TACR1: variants seen among roughly 807,000 people sequenced by gnomAD.
The protein encoded by TACR1 is tachykinin receptor 1.
In TACR1, 25 loss-of-function variants were observed where a neutral mutation model predicts 35.8. That is an observed-to-expected ratio of 0.70 (90% CI 0.51 to 0.98). The LOEUF (loss-of-function observed/expected upper bound fraction) is 0.98. Among genes scored for constraint, TACR1 ranks in the 50% least tolerant of loss-of-function variants. TACR1 has a pLI of 0.00. For synonymous variants in TACR1, 195 were observed against 206.7 expected (o/e 0.94, Z 0.48); for missense variants, 478 against 522.9 (o/e 0.91, Z 0.84).
chr2:75,140,781 C>G (rs1042232613), intron 1 of TACR1, among the ~76,000 whole-genome samples: 1 of 152,152 alleles, frequency 6.6e-6, no homozygotes, highest in Non-Finnish European at 1.5e-5. Context: ...CTTGTGGTGT[C>G]TAGAATAATA....
chr2:75,066,821 A>G (rs1672772052), intron 2 of TACR1, among the ~76,000 whole-genome samples: 1 of 152,252 alleles, frequency 6.6e-6, no homozygotes. Flanking sequence ...GAAATTGTCA[A>G]GGATACTACA....
Position 75,077,386 on chromosome 2 carries a change from C to T in TACR1, c.585-23631G>A, listed in dbSNP as rs538545882. 9.2e-5 allele frequency among the ~76,000 whole-genome samples: 14 copies of T among 152,302 alleles called. No individual in the cohort carries two copies. The South Asian group carries it at 1.7e-3, about 18-fold the overall frequency. Reference sequence around the variant, plus strand: ...ACTGCACTGTTTGTACTATAACCACCTTCTCCAGTGGGTAGGACACCTCCA... The same window carrying T: ...ACTGCACTGTTTGTACTATAACCACTTTCTCCAGTGGGTAGGACACCTCCA... On this transcript the variant is annotated intron_variant, in intron 2 of 4. Coordinates refer to ENST00000305249, the MANE Select transcript of TACR1 (RefSeq NM_001058.4).
rs74923922 is a variant in TACR1 at position 75,125,976 on chromosome 2, A to G, written c.390-5208T>C. Among the ~76,000 whole-genome samples, 632 of 152,308 alleles carry G rather than the reference A, an allele frequency of 4.1e-3. 6 individuals are homozygous for G. Among genetic ancestry groups the G allele is most frequent in the African/African-American group, 0.015 (605 of 41,570 alleles). ...GGTACATGTGCCAGGTTTGTTCTATAGATAAACTCATGTTACAGGGGTTTG... is the reference window on the plus strand; with the variant it reads ...GGTACATGTGCCAGGTTTGTTCTATGGATAAACTCATGTTACAGGGGTTTG... On this transcript the variant is annotated intron_variant, in intron 1 of 4. Coordinates refer to ENST00000305249, the MANE Select transcript of TACR1 (RefSeq NM_001058.4).
At chr2:75,136,353 A>G (rs1346625132) in intron 1 of TACR1, among the ~76,000 whole-genome samples, 2 of 152,236 alleles carry the variant, frequency 1.3e-5, no homozygotes, top group South Asian at 2.1e-4. Context: ...AGTGCAGTGT[A>G]TTAACAAAAA....
chr2:75,104,586 ATTCCT>A (rs1466341917), intron 2 of TACR1, among the ~76,000 whole-genome samples: 4 of 152,080 alleles, frequency 2.6e-5, no homozygotes, highest in African/African-American at 9.6e-5. Context: ...CAGAATACAC[ATTCCT>A]TTCAAGCACA....
In TACR1 at chr2:75,198,598, T is replaced by C. The variant is rs1227340812; in HGVS notation, c.337A>G (p.Ile113Val). 1.2e-6 allele frequency: 2 copies of C among 1,614,130 alleles called. No homozygotes were observed. Among genetic ancestry groups the C allele is most frequent in the Non-Finnish European group, 1.7e-6 (2 of 1,180,030 alleles). ...FYCKFHNFFP[I>V]AAVFASIYSM... ...TAGATACTGGCGAAGACAGCGGCGATGGGAAAGAAGTTGTGGAACTTGCAG... is the reference window on the plus strand; with the variant it reads ...TAGATACTGGCGAAGACAGCGGCGACGGGAAAGAAGTTGTGGAACTTGCAG... The change falls in exon 1 of 5, where the codon ATC becomes GTC. Residue 113 changes from isoleucine (I) to valine (V), a missense_variant. By Grantham distance (29) the Ile-to-Val change is conservative (BLOSUM62 3). Coordinates refer to ENST00000305249, the MANE Select transcript of TACR1 (RefSeq NM_001058.4).
chr2:75,128,400 G>A (rs1361924983), intron 1 of TACR1, among the ~76,000 whole-genome samples: 2 of 152,118 alleles, frequency 1.3e-5, no homozygotes, highest in African/African-American at 4.8e-5. Flanking sequence ...GCAGAGCCAG[G>A]GCTACCATAA....
Position 75,161,818 on chromosome 2 carries a change from C to G in TACR1, c.389+36728G>C, listed in dbSNP as rs145228980. ...TATGGACTTCCTAAAAAAACTATTACTCAGGAAAAGTTACAAACTAAAAGA... is the reference window on the plus strand; with the variant it reads ...TATGGACTTCCTAAAAAAACTATTAGTCAGGAAAAGTTACAAACTAAAAGA... On this transcript the variant is annotated intron_variant, in intron 1 of 4. Coordinates refer to ENST00000305249, the MANE Select transcript of TACR1 (RefSeq NM_001058.4). Among the ~76,000 whole-genome samples, 996 of 151,986 alleles carry G rather than the reference C, an allele frequency of 6.6e-3. 7 individuals are homozygous for G. Among genetic ancestry groups the G allele is most frequent in the African/African-American group, 0.023 (942 of 41,456 alleles).
intron 1 of TACR1, among the ~76,000 whole-genome samples, chr2:75,173,202 CTTGCAATCCAGTAAAAA>C (rs1225422532): frequency 1.8e-4 from 27 of 152,110 alleles, no homozygotes; most frequent in Admixed American, 6.5e-4. Context: ...TGGTAAACTT[CTTGCAATCCAGTAAAAA>C]TTGCCCCCAT....
At chr2:75,152,610 G>T (rs1319118684) in intron 1 of TACR1, among the ~76,000 whole-genome samples, 2 of 152,172 alleles carry the variant, frequency 1.3e-5, no homozygotes, top group African/African-American at 4.8e-5. Flanking sequence ...CTCCGAGGCT[G>T]AGAGTTAAAG....
chr2:75,110,124 A>G (rs1268826693), intron 2 of TACR1, among the ~76,000 whole-genome samples: 2 of 152,102 alleles, frequency 1.3e-5, no homozygotes, highest in African/African-American at 4.8e-5. Flanking sequence ...GTATGCAGGC[A>G]GAAATCACAA....
At chr2:75,051,529 C>G in intron 3 of TACR1, 82 bp from the exon 4 acceptor site, 1 of 1,576,144 alleles carries the variant, frequency 6.3e-7, no homozygotes, top group East Asian at 2.3e-5. Flanking sequence ...CACGCCCTCA[C>G]TGTGCACAGT....
At chr2:75,146,635 T>C (rs1002858601) in intron 1 of TACR1, among the ~76,000 whole-genome samples, 1 of 152,188 alleles carries the variant, frequency 6.6e-6, no homozygotes, top group African/African-American at 2.4e-5. Flanking sequence ...GCGTTACTTG[T>C]GATGCTAATA....
At chr2:75,173,198 A>G (rs927496770) in intron 1 of TACR1, among the ~76,000 whole-genome samples, 3 of 152,100 alleles carry the variant, frequency 2.0e-5, no homozygotes, top group Admixed American at 2.0e-4. Context: ...GGCTTGGTAA[A>G]CTTCTTGCAA....
intron 1 of TACR1, among the ~76,000 whole-genome samples, chr2:75,190,319 C>T (rs1675811338): frequency 1.3e-5 from 2 of 152,134 alleles, no homozygotes; most frequent in South Asian, 4.2e-4. Context: ...GTTTTCTGGA[C>T]CATGATATAC....
chr2:75,094,428 G>A (rs1673371516), intron 2 of TACR1, among the ~76,000 whole-genome samples: 1 of 152,146 alleles, frequency 6.6e-6, no homozygotes, highest in South Asian at 2.1e-4. Context: ...GTAGTCCAGG[G>A]ACCACAGTGG....
chr2:75,184,383 TA>T (rs375524381), intron 1 of TACR1, among the ~76,000 whole-genome samples: 15 of 150,762 alleles, frequency 9.9e-5, no homozygotes, highest in East Asian at 1.9e-4. Flanking sequence ...CATCACAGGT[TA>T]AAAAAAAAGG....
intron 1 of TACR1, among the ~76,000 whole-genome samples, chr2:75,174,438 C>T (rs996840240): frequency 6.6e-6 from 1 of 152,162 alleles, no homozygotes. Context: ...ACAGTAGATA[C>T]ACTGGGACAA....
At chr2:75,086,070 T>A (rs1205410549) in intron 2 of TACR1, among the ~76,000 whole-genome samples, 2 of 152,236 alleles carry the variant, frequency 1.3e-5, no homozygotes, top group Non-Finnish European at 2.9e-5. Context: ...AAAGTGACTA[T>A]GAAACTGGGC....
Sources: gnomAD v4.1 joint callset for allele counts (sites outside exome capture counted in the v4.1 genomes callset) on GRCh38, gnomAD v4.1.1 for gene constraint, MANE v1.5 for transcripts, NCBI Gene and HGNC (gene_info 2026-07-23, HGNC 2026-07-21) for gene names.